Variants in ASMTL observed in about 807,000 individuals in gnomAD.
The protein encoded by ASMTL is probable bifunctional dTTP/UTP pyrophosphatase/methyltransferase protein.
In ASMTL, 57 loss-of-function variants were observed where a neutral mutation model predicts 60.3. The observed-to-expected ratio is 0.95, with a 90% CI of 0.76 to 1.18. The LOEUF is 1.18. ASMTL is among the 50% of genes most tolerant of loss of function. The pLI, the probability that ASMTL is intolerant of heterozygous loss-of-function variation, is 0.00. For synonymous variants in ASMTL, 419 were observed against 373.0 expected (o/e 1.12, Z -1.42); for missense variants, 981 against 852.6 (o/e 1.15, Z -1.88).
At chrX:1,446,204 G>A (rs1425353649) in intron 1 of ASMTL, among the ~76,000 whole-genome samples, 2 of 152,088 alleles carry the variant, frequency 1.3e-5, no homozygotes, top group Admixed American at 6.6e-5. Flanking sequence ...CTGCCTCGGC[G>A]GCCAGGCAGG....
intron 6 of ASMTL, among the ~76,000 whole-genome samples, chrX:1,428,658 T>TAAATAA (rs1388979002): frequency 6.6e-6 from 1 of 150,526 alleles, no homozygotes; most frequent in East Asian, 1.9e-4. Flanking sequence ...AATAAATAAA[T>TAAATAA]AAATAAATAA....
chrX:1,427,037 C>T (rs4363379), intron 7 of ASMTL, among the ~76,000 whole-genome samples: 98,379 of 151,922 alleles, frequency 0.65, 32,782 homozygotes, highest in East Asian at 0.83. Context: ...TCTTTGCAGA[C>T]GTAAGTAAGC....
chrX:1,417,411 C>CAG (rs2090328540), intron 11 of ASMTL, among the ~76,000 whole-genome samples: 1 of 151,066 alleles, frequency 6.6e-6, no homozygotes, highest in Admixed American at 6.6e-5. Flanking sequence ...GACACGTGGA[C>CAG]ACACAGTCTC....
At chrX:1,445,655 G>C (rs140544746) in intron 1 of ASMTL, among the ~76,000 whole-genome samples, 40 of 152,038 alleles carry the variant, frequency 2.6e-4, no homozygotes, top group African/African-American at 9.2e-4. Flanking sequence ...CCGAGGACAC[G>C]AGCTCTTCCG....
intron 5 of ASMTL, among the ~76,000 whole-genome samples, chrX:1,434,478 A>T (rs2090905675): frequency 7.0e-6 from 1 of 142,746 alleles, no homozygotes; most frequent in African/African-American, 2.7e-5. Flanking sequence ...TGACAGAGGG[A>T]GACCCTGTCT....
rs1165220968 is a variant in ASMTL at position 1,412,725 on chromosome X, C to T, written c.1645+7G>A. On this transcript the variant is annotated splice_region_variant and intron_variant, in intron 12 of 12. Transcript: ENST00000381317. ...CAAAAACAGCTAACCTGACGATGGG[C>T]TCTCACCTGGCTTGCAGCTCTCGGC... 2 of 1,613,938 alleles carry T rather than the reference C, an allele frequency of 1.2e-6. No individual in the cohort carries two copies. Among genetic ancestry groups the T allele is most frequent in the Non-Finnish European group, 1.7e-6 (2 of 1,179,820 alleles).
chrX:1,440,543 A>G (rs2091084708), intron 2 of ASMTL, among the ~76,000 whole-genome samples: 1 of 152,252 alleles, frequency 6.6e-6, no homozygotes, highest in African/African-American at 2.4e-5. Flanking sequence ...AATTTTATAT[A>G]CTGTGACTGA....
intron 8 of ASMTL, among the ~76,000 whole-genome samples, chrX:1,423,474 T>C (rs1198179840): frequency 2.0e-5 from 3 of 152,064 alleles, no homozygotes; most frequent in Non-Finnish European, 4.4e-5. Context: ...GACTTGGTCA[T>C]GTGCTCTCTA....
rs189405407 is a variant in ASMTL at position 1,427,813 on chromosome X, T to C, written c.818A>G (p.Glu273Gly). The C allele has an allele frequency of 3.1e-6, 5 of 1,612,600 alleles. No individual in the cohort carries two copies. The highest frequency in any genetic ancestry group is 4.2e-6 in the Non-Finnish European group (5 of 1,179,818). The change falls in exon 7 of 13, where the codon GAG becomes GGG. Residue 273 changes from glutamate to glycine, a missense_variant. Transcript: ENST00000381317. ...CAGGGTCTCCCGAGTCCTGTGACAC[T>C]CAGCCTCTGCCGTGGCCTGTCCCGC... The part of the protein sequence containing the change: ...GEAGQATAEA[E>G]CHRTRETLPP...
intron 1 of ASMTL, among the ~76,000 whole-genome samples, chrX:1,448,939 C>G (rs1209333943): frequency 6.6e-6 from 1 of 152,134 alleles, no homozygotes; most frequent in African/African-American, 2.4e-5. Context: ...CTAAAACCAG[C>G]CCCAAAACAT....
chrX:1,439,529 G>C (rs183518818), intron 2 of ASMTL, among the ~76,000 whole-genome samples: 1 of 152,226 alleles, frequency 6.6e-6, no homozygotes, highest in African/African-American at 2.4e-5. Flanking sequence ...AAAGGTTTTT[G>C]ATCCGTTCAA....
At chrX:1,411,481 C>T (rs2090018920) in intron 12 of ASMTL, among the ~76,000 whole-genome samples, 2 of 152,248 alleles carry the variant, frequency 1.3e-5, no homozygotes, top group Non-Finnish European at 1.5e-5. Flanking sequence ...CCCCTGGAGC[C>T]AGGGTTTCCA....
chrX:1,448,372 G>A (rs1192806555), intron 1 of ASMTL, among the ~76,000 whole-genome samples: 1 of 145,930 alleles, frequency 6.9e-6, no homozygotes, highest in African/African-American at 2.6e-5. Flanking sequence ...CACCATCTTG[G>A]ACAAGCACCA....
At chrX:1,405,421 T>A (rs1237386076) in intron 12 of ASMTL, among the ~76,000 whole-genome samples, 2 of 149,498 alleles carry the variant, frequency 1.3e-5, no homozygotes, top group Non-Finnish European at 3.0e-5. Context: ...GATGGATGCA[T>A]GGATGTGATG....
At chrX:1,431,640 T>A (rs5989936) in intron 6 of ASMTL, among the ~76,000 whole-genome samples, 139,431 of 145,130 alleles carry the variant, frequency 0.96, 67,072 homozygotes, top group East Asian at 1. Flanking sequence ...TAAATATATA[T>A]TATATAATTT....
intron 12 of ASMTL, among the ~76,000 whole-genome samples, chrX:1,410,406 C>T (rs1424303016): frequency 6.6e-6 from 1 of 151,904 alleles, no homozygotes; most frequent in Non-Finnish European, 1.5e-5. Flanking sequence ...ACTCCTATCT[C>T]CACAAAAAAC....
intron 7 of ASMTL, among the ~76,000 whole-genome samples, chrX:1,426,994 C>G (rs1704314325): frequency 2.4e-5 from 2 of 83,684 alleles, no homozygotes; most frequent in African/African-American, 6.7e-5. Context: ...AAAACAAAAA[C>G]AAAAACAAAA....
intron 3 of ASMTL, among the ~76,000 whole-genome samples, chrX:1,438,870 G>A (rs766860160): frequency 1.3e-5 from 2 of 152,134 alleles, no homozygotes; most frequent in South Asian, 2.1e-4. Flanking sequence ...AAGGTGATCC[G>A]CCCACCTCGG....
chrX:1,420,078 C>T (rs762343014), intron 9 of ASMTL, among the ~76,000 whole-genome samples: 2 of 151,882 alleles, frequency 1.3e-5, no homozygotes, highest in South Asian at 4.2e-4. Flanking sequence ...CTATCTGCCT[C>T]TATCTCTGTC....
Sources: allele counts gnomAD v4.1 joint callset (sites outside exome capture counted in the v4.1 genomes callset), GRCh38; gene constraint gnomAD v4.1.1; transcripts MANE v1.5; gene names NCBI Gene and HGNC (gene_info 2026-07-23, HGNC 2026-07-21).